CLVS1: variants seen among roughly 807,000 people sequenced by gnomAD.
CLVS1 encodes clavesin-1.
CLVS1 carries 10 observed loss-of-function variants against 33.1 expected under a neutral mutation model. The observed-to-expected ratio is 0.30, with a 90% CI of 0.19 to 0.51. CLVS1 has a LOEUF of 0.51. Ranked by LOEUF, CLVS1 falls within the 20% of genes least tolerant of loss-of-function variation. The pLI is 0.97. For missense variants in CLVS1, 343 were observed against 433.4 expected, an observed-to-expected ratio of 0.79 and a Z score of 1.85; for synonymous variants, 163 against 166.1, an observed-to-expected ratio of 0.98 and a Z score of 0.14.
At chr8:61,038,959 T>G in the CLVS1 span, among the ~76,000 whole-genome samples, 1 of 152,224 alleles carries the variant, frequency 6.6e-6, no homozygotes, top group Non-Finnish European at 1.5e-5. Context: ...CCCACATTTT[T>G]TTTTATTAAT....
intron 2 of CLVS1, among the ~76,000 whole-genome samples, chr8:61,347,594 G>A (rs943461515): frequency 7.4e-4 from 93 of 126,086 alleles, no homozygotes; most frequent in Non-Finnish European, 3.2e-4. Context: ...GTTTATACAT[G>A]TTTATTTTAT....
At chr8:61,007,807 T>C in the CLVS1 span, among the ~76,000 whole-genome samples, 1 of 152,072 alleles carries the variant, frequency 6.6e-6, no homozygotes, top group South Asian at 2.1e-4. Flanking sequence ...GCACCGCCCC[T>C]GGGTACAGAC....
At chr8:61,272,860 C>G (rs951184924) in intron 2 of CLVS1, among the ~76,000 whole-genome samples, 4 of 152,116 alleles carry the variant, frequency 2.6e-5, no homozygotes, top group Non-Finnish European at 4.4e-5. Flanking sequence ...CCTTTAAGCA[C>G]TTGTCTGTAT....
intron 1 of CLVS1, among the ~76,000 whole-genome samples, chr8:61,100,280 G>A (rs1031009366): frequency 6.6e-6 from 1 of 152,132 alleles, no homozygotes; most frequent in Non-Finnish European, 1.5e-5. Flanking sequence ...TTGACCCTTT[G>A]AGCTGTTAAT....
chr8:61,121,790 A>T (rs1460065019), intron 1 of CLVS1, among the ~76,000 whole-genome samples: 1 of 152,110 alleles, frequency 6.6e-6, no homozygotes, highest in Non-Finnish European at 1.5e-5. Flanking sequence ...ATGCAGTTGG[A>T]TGTACATTCT....
rs367660550 is a variant in CLVS1 at position 61,397,678 on chromosome 8, G to T, written c.630+20899G>T. Among the ~76,000 whole-genome samples the T allele has an allele frequency of 2.3e-3, 347 of 152,198 alleles. 2 individuals carry two copies. The highest frequency in any genetic ancestry group is 7.7e-3 in the African/African-American group (319 of 41,546). ...TATAATCTATTTTGAGATGACTTTT[G>T]TGTATGGTGTAAAGTAGGGCTCCAA... On this transcript the variant is annotated intron_variant, in intron 3 of 5. Coordinates refer to ENST00000325897, the MANE Select transcript of CLVS1 (RefSeq NM_173519.3).
At chr8:61,342,908 A>G (rs1163992393) in intron 2 of CLVS1, among the ~76,000 whole-genome samples, 1 of 152,256 alleles carries the variant, frequency 6.6e-6, no homozygotes, top group Non-Finnish European at 1.5e-5. Flanking sequence ...GTTGGGCACC[A>G]AAATGATCAA....
chr8:61,267,997 A>C (rs1196550131), intron 2 of CLVS1, among the ~76,000 whole-genome samples: 3 of 152,158 alleles, frequency 2.0e-5, no homozygotes, highest in African/African-American at 7.2e-5. Context: ...TGGATACTCA[A>C]CACAATATAA....
intron 2 of CLVS1, among the ~76,000 whole-genome samples, chr8:61,353,149 CT>C (rs1812543455): frequency 6.6e-6 from 1 of 151,972 alleles, no homozygotes. Flanking sequence ...CCCTCAGCAA[CT>C]GATAGAACTT....
chr8:61,124,059 CT>C (rs1324147966), intron 1 of CLVS1, among the ~76,000 whole-genome samples: 9 of 151,990 alleles, frequency 5.9e-5, no homozygotes, highest in African/African-American at 2.2e-4. Flanking sequence ...ATTTATCTAT[CT>C]TAAAAAAAAG....
chr8:61,379,396 C>G (rs1282969442), intron 3 of CLVS1, among the ~76,000 whole-genome samples: 1 of 143,006 alleles, frequency 7.0e-6, no homozygotes, highest in African/African-American at 2.5e-5. Flanking sequence ...TCCCCCATCT[C>G]CACCACCAAA....
chr8:61,300,331 A>G, intron 2 of CLVS1, 49 bp downstream of exon 2: 1 of 1,469,386 alleles, frequency 6.8e-7, no homozygotes, highest in Non-Finnish European at 9.3e-7. Flanking sequence ...TATAAGCATT[A>G]TCACTGCATG....
the CLVS1 span, among the ~76,000 whole-genome samples, chr8:61,023,992 A>G: frequency 1.4e-3 from 211 of 152,224 alleles, 1 homozygote; most frequent in African/African-American, 4.9e-3. Context: ...CAGACATCCA[A>G]TTAAACTGCT....
At chr8:61,161,846 A>G (rs115409862) in intron 2 of CLVS1, among the ~76,000 whole-genome samples, 2,521 of 152,344 alleles carry the variant, frequency 0.017, 30 homozygotes, top group African/African-American at 0.024. Context: ...TGATTAGCTT[A>G]ATAAGCATTT....
chr8:61,480,377 C>T (rs35056966), intron 5 of CLVS1, among the ~76,000 whole-genome samples: 86,187 of 152,112 alleles, frequency 0.57, 27,993 homozygotes, highest in Non-Finnish European at 0.72. Context: ...TAGGATGCTC[C>T]GAGCCAGGTG....
At chr8:61,412,411 GGGA>G (rs1035838313) in intron 3 of CLVS1, among the ~76,000 whole-genome samples, 3 of 152,122 alleles carry the variant, frequency 2.0e-5, no homozygotes, top group African/African-American at 7.2e-5. Context: ...TGGAGACTTT[GGGA>G]GGAGGAGGAT....
At chr8:61,297,255 T>C (rs1810247694) in intron 1 of CLVS1, among the ~76,000 whole-genome samples, 1 of 152,158 alleles carries the variant, frequency 6.6e-6, no homozygotes, top group Non-Finnish European at 1.5e-5. Context: ...CATGAGCATA[T>C]TTCAACTGTA....
chr8:61,435,345 T>C (rs1319024725), intron 3 of CLVS1, among the ~76,000 whole-genome samples: 3 of 152,178 alleles, frequency 2.0e-5, no homozygotes, highest in Admixed American at 6.5e-5. Context: ...TCCTTCTCTT[T>C]GGAGACTTGC....
chr8:61,087,199 G>A (rs1366353660), intron 1 of CLVS1, among the ~76,000 whole-genome samples: 1 of 152,246 alleles, frequency 6.6e-6, no homozygotes, highest in East Asian at 1.9e-4. Flanking sequence ...TGGAGCAGAT[G>A]TGGATTGCAC....
Sources: allele counts gnomAD v4.1 joint callset (sites outside exome capture counted in the v4.1 genomes callset), GRCh38; gene constraint gnomAD v4.1.1; transcripts MANE v1.5; gene names NCBI Gene and HGNC (gene_info 2026-07-23, HGNC 2026-07-21).